The following THSD7A variants were observed in gnomAD, a reference collection of about 807,000 sequenced individuals.
THSD7A encodes the protein thrombospondin type-1 domain-containing protein 7A.
A neutral mutation model predicts 231.3 loss-of-function variants in THSD7A; 96 were observed. The ratio of observed to expected loss-of-function variants is 0.41; its 90% CI spans 0.35 to 0.49. The LOEUF (loss-of-function observed/expected upper bound fraction) is 0.49. Ranked by LOEUF, THSD7A falls within the 20% of genes least tolerant of loss-of-function variation. The probability of loss-of-function intolerance (pLI) is 0.05; values close to 1 mark genes in which losing one functional copy is unlikely to be tolerated. For missense variants in THSD7A, 2,290 were observed against 2,070.2 expected, an observed-to-expected ratio of 1.11 and a Z score of -2.06; for synonymous variants, 940 against 743.3, an observed-to-expected ratio of 1.26 and a Z score of -4.30.
intron 1 of THSD7A, among the ~76,000 whole-genome samples, chr7:11,780,426 ACTAT>A (rs1163502358): frequency 6.6e-6 from 1 of 152,116 alleles, no homozygotes; most frequent in East Asian, 1.9e-4. Context: ...CTCTTTGATC[ACTAT>A]CTGTGGTAGA....
chr7:11,566,415 G>C (rs1349074602), intron 4 of THSD7A, among the ~76,000 whole-genome samples: 1 of 152,158 alleles, frequency 6.6e-6, no homozygotes, highest in Non-Finnish European at 1.5e-5. Flanking sequence ...ATAAACTAGG[G>C]ATATGGATTT....
At chr7:11,412,601 G>GCTGA (rs1420389572) in intron 18 of THSD7A, 55 bp downstream of exon 18, 1 of 1,604,230 alleles carries the variant, frequency 6.2e-7, no homozygotes, top group Non-Finnish European at 8.5e-7. Flanking sequence ...ATGCTTCAGA[G>GCTGA]CTGACAGACA....
intron 1 of THSD7A, among the ~76,000 whole-genome samples, chr7:11,785,837 A>C (rs892458296): frequency 6.6e-6 from 1 of 152,146 alleles, no homozygotes; most frequent in Non-Finnish European, 1.5e-5. Context: ...AGACTTAAAG[A>C]ATAAAATAAT....
intron 8 of THSD7A, among the ~76,000 whole-genome samples, chr7:11,473,433 A>G (rs1194174602): frequency 6.6e-6 from 1 of 152,160 alleles, no homozygotes; most frequent in African/African-American, 2.4e-5. Flanking sequence ...ATTACACACA[A>G]TATTTAACCA....
intron 17 of THSD7A, among the ~76,000 whole-genome samples, chr7:11,414,306 C>G (rs1783887738): frequency 6.6e-6 from 1 of 152,206 alleles, no homozygotes; most frequent in Admixed American, 6.5e-5. Context: ...AAAATCCCAC[C>G]CTTGGATCAT....
At chr7:11,467,481 A>G (rs1785758517) in intron 9 of THSD7A, among the ~76,000 whole-genome samples, 1 of 151,986 alleles carries the variant, frequency 6.6e-6, no homozygotes, top group East Asian at 1.9e-4. Context: ...AAATCAATAA[A>G]TAAGTAATTA....
At chr7:11,690,618 G>T (rs1266125227) in intron 1 of THSD7A, among the ~76,000 whole-genome samples, 1 of 151,640 alleles carries the variant, frequency 6.6e-6, no homozygotes, top group Non-Finnish European at 1.5e-5. Flanking sequence ...CTTGCTCCAG[G>T]GAAGCTATCT....
At chr7:11,461,204 G>A (rs1429766679) in intron 10 of THSD7A, among the ~76,000 whole-genome samples, 1 of 151,496 alleles carries the variant, frequency 6.6e-6, no homozygotes, top group Admixed American at 6.6e-5. Flanking sequence ...AGTATAATAT[G>A]CTTTACAAAA....
chr7:11,773,988 T>C (rs1421433506), intron 1 of THSD7A, among the ~76,000 whole-genome samples: 2 of 152,132 alleles, frequency 1.3e-5, no homozygotes, highest in Admixed American at 6.5e-5. Context: ...TACCTAATAA[T>C]AATCGGGAAA....
intron 2 of THSD7A, among the ~76,000 whole-genome samples, chr7:11,618,006 C>G (rs757746392): frequency 6.6e-6 from 1 of 152,134 alleles, no homozygotes; most frequent in Non-Finnish European, 1.5e-5. Flanking sequence ...AAGAAAATGT[C>G]AAGTGTTACC....
intron 1 of THSD7A, among the ~76,000 whole-genome samples, chr7:11,811,926 C>T (rs1784537618): frequency 6.6e-6 from 1 of 152,092 alleles, no homozygotes; most frequent in African/African-American, 2.4e-5. Flanking sequence ...GAAATTACAT[C>T]AGTTTATATA....
chr7:11,644,633 A>G (rs1475061651), intron 1 of THSD7A, among the ~76,000 whole-genome samples: 1 of 152,042 alleles, frequency 6.6e-6, no homozygotes, highest in Non-Finnish European at 1.5e-5. Context: ...GTCAAATTAC[A>G]TGTACAAAAT....
intron 12 of THSD7A, 99 bp downstream of exon 12, chr7:11,447,131 A>G (rs1166945879): frequency 8.9e-7 from 1 of 1,123,854 alleles, no homozygotes; most frequent in Non-Finnish European, 1.3e-6. Context: ...CCATTGGCAT[A>G]TTATTTTTCA....
chr7:11,488,158 G>T (rs1215343303), intron 6 of THSD7A, among the ~76,000 whole-genome samples: 1 of 152,090 alleles, frequency 6.6e-6, no homozygotes, highest in Non-Finnish European at 1.5e-5. Context: ...GATTTCTCTT[G>T]CCAGATCTAT....
At chr7:11,526,516 T>C (rs952221098) in intron 6 of THSD7A, among the ~76,000 whole-genome samples, 13 of 152,332 alleles carry the variant, frequency 8.5e-5, no homozygotes, top group African/African-American at 3.1e-4. Context: ...GCATACTTAA[T>C]GGGCAGGGGC....
chr7:11,600,836 C>G lies in THSD7A; in HGVS notation c.1023-7334G>C, dbSNP rs75316693. Among the ~76,000 whole-genome samples the G allele has an allele frequency of 8.8e-3, 1,346 of 152,198 alleles. 8 individuals carry two copies. The highest frequency in any genetic ancestry group is 0.013 in the Non-Finnish European group (917 of 67,998). ...TGGCATATGTATGAAAATTGCATTT[C>G]CAGGAGACAATTACAGCTCAAAGCA... On this transcript the variant is annotated intron_variant, in intron 2 of 27. Coordinates refer to ENST00000423059, the MANE Select transcript of THSD7A (RefSeq NM_015204.3).
At chr7:11,403,830 T>C (rs73282849) in intron 22 of THSD7A, among the ~76,000 whole-genome samples, 4,563 of 152,288 alleles carry the variant, frequency 0.03, 242 homozygotes, top group African/African-American at 0.1. Flanking sequence ...ATTTTGACCA[T>C]GTAAACCATT....
chr7:11,820,688 C>G (rs530525418), intron 1 of THSD7A: 7 of 876,238 alleles, frequency 8.0e-6, no homozygotes, highest in African/African-American at 6.6e-5. Flanking sequence ...AGTCCCCAGT[C>G]TCGATGTCTC....
intron 27 of THSD7A, 93 bp from the exon 28 acceptor site, chr7:11,375,971 A>G: frequency 8.3e-7 from 1 of 1,203,248 alleles, no homozygotes; most frequent in Non-Finnish European, 1.2e-6. Flanking sequence ...GCAAATTGAT[A>G]AACTGAAATT....
Sources: allele counts gnomAD v4.1 joint callset (sites outside exome capture counted in the v4.1 genomes callset), GRCh38; gene constraint gnomAD v4.1.1; transcripts MANE v1.5; gene names NCBI Gene and HGNC (gene_info 2026-07-23, HGNC 2026-07-21).